The following NEAT1 variants were observed in gnomAD, a reference collection of about 807,000 sequenced individuals.
NEAT1 encodes the protein MENepsilon/beta.
At chr11:65,425,912 A>T (rs1856556560) in exon 1 of NEAT1, 1 of 152,218 alleles carries the variant, frequency 6.6e-6, no homozygotes, top group African/African-American at 2.4e-5. Flanking sequence ...TGCTAAGGTT[A>T]GAATGAATAA....
exon 1 of NEAT1, chr11:65,440,617 G>A (rs561043673): frequency 9.2e-5 from 14 of 151,986 alleles, no homozygotes; most frequent in African/African-American, 2.9e-4. Flanking sequence ...GGCCAAGGTG[G>A]GTGGATCACG....
At chr11:65,430,056 C>T (rs1856600639) in exon 1 of NEAT1, 1 of 152,282 alleles carries the variant, frequency 6.6e-6, no homozygotes, top group Non-Finnish European at 1.5e-5. Context: ...GGCACTGGAG[C>T]TGGTTCGAAT....
chr11:65,441,989 G>A (rs1364195296), exon 1 of NEAT1: 1 of 152,306 alleles, frequency 6.6e-6, no homozygotes, highest in South Asian at 2.1e-4. Flanking sequence ...GGGGCGTGCA[G>A]TGTCTGTAAG....
exon 1 of NEAT1, chr11:65,437,228 C>CACAT (rs1555046562): frequency 1.7e-4 from 22 of 129,284 alleles, no homozygotes; most frequent in African/African-American, 6.7e-4. Flanking sequence ...TATATATATA[C>CACAT]ATATATATAT....
At chr11:65,437,205 A>ATGTG (rs1430947771) in exon 1 of NEAT1, 3 of 140,630 alleles carry the variant, frequency 2.1e-5, no homozygotes, top group African/African-American at 8.5e-5. Flanking sequence ...GTATATATAT[A>ATGTG]TATATGTATA....
chr11:65,426,924 T>C (rs1856567417), exon 1 of NEAT1: 2 of 152,212 alleles, frequency 1.3e-5, no homozygotes, highest in Non-Finnish European at 2.9e-5. Context: ...ACACATAATA[T>C]GCATATTCCA....
chr11:65,437,230 T>C (rs1226221961), exon 1 of NEAT1: 5 of 143,870 alleles, frequency 3.5e-5, no homozygotes, highest in African/African-American at 1.3e-4. Flanking sequence ...TATATATACA[T>C]ATATATATAC....
exon 1 of NEAT1, chr11:65,444,550 G>GCC: frequency 4.1e-6 from 2 of 493,414 alleles, no homozygotes; most frequent in Admixed American, 4.4e-5. Flanking sequence ...GCCAGGACAG[G>GCC]ACTCTCAAAT....
chr11:65,423,583 G>C (rs1320089355), exon 1 of NEAT1: 1 of 152,388 alleles, frequency 6.6e-6, no homozygotes, highest in African/African-American at 2.4e-5. Context: ...GAGGCACGCT[G>C]CTCGGGTGTT....
chr11:65,432,795 T>C (rs149595055), exon 1 of NEAT1: 2 of 151,570 alleles, frequency 1.3e-5, no homozygotes, highest in African/African-American at 2.4e-5. Context: ...GTCACCTGAG[T>C]AGTGTACATT....
chr11:65,433,724 G>A (rs1365097315), exon 1 of NEAT1: 1 of 151,310 alleles, frequency 6.6e-6, no homozygotes, highest in Non-Finnish European at 1.5e-5. Context: ...TTATGTGTGT[G>A]TGTGTGTGTG....
chr11:65,443,258 T>A (rs1288725867), exon 1 of NEAT1: 1 of 152,254 alleles, frequency 6.6e-6, no homozygotes, highest in Non-Finnish European at 1.5e-5. Context: ...CCCATTGGTA[T>A]TCCCGACACT....
At chr11:65,425,478 C>G (rs1856551961) in exon 1 of NEAT1, 1 of 152,180 alleles carries the variant, frequency 6.6e-6, no homozygotes, top group Admixed American at 6.5e-5. Flanking sequence ...CGCAGCAGAT[C>G]AGCATCCTTC....
At chr11:65,425,090 C>A (rs1224671130) in exon 1 of NEAT1, 7 of 151,874 alleles carry the variant, frequency 4.6e-5, no homozygotes, top group Non-Finnish European at 8.8e-5. Flanking sequence ...GTGGGTGAGC[C>A]AAGAAAATAC....
exon 1 of NEAT1, chr11:65,430,164 T>A (rs1856601796): frequency 6.6e-6 from 1 of 152,310 alleles, no homozygotes; most frequent in Admixed American, 6.5e-5. Context: ...TGTAGATGTT[T>A]GGCAGCAGCT....
chr11:65,441,178 G>A lies in NEAT1; in HGVS notation n.18381G>A, dbSNP rs373540611. ...TATCGTGCAGGTACTTGTGAGCAAGGGGAGCTGCTGTTTCCTGTCCCTTTA... is the reference window on the plus strand; with the variant it reads ...TATCGTGCAGGTACTTGTGAGCAAGAGGAGCTGCTGTTTCCTGTCCCTTTA... On this transcript the variant is annotated non_coding_transcript_exon_variant, in exon 1 of 1. Coordinates refer to ENST00000501122, the Ensembl canonical transcript of NEAT1. 7.2e-5 allele frequency: 11 copies of A among 152,270 alleles called. No homozygotes were observed. The East Asian group carries it at 1.5e-3, about 21-fold the overall frequency. The allele number at this position is 152,270 out of a possible 1,614,324, so 9.4% of individuals were successfully genotyped here.
At chr11:65,426,697 A>G (rs190045645) in exon 1 of NEAT1, 1 of 152,340 alleles carries the variant, frequency 6.6e-6, no homozygotes, top group East Asian at 1.9e-4. Context: ...TATTATCCCA[A>G]GTGGTCTGCA....
At chr11:65,438,249 C>T (rs1425547143) in exon 1 of NEAT1, 1 of 152,134 alleles carries the variant, frequency 6.6e-6, no homozygotes, top group Non-Finnish European at 1.5e-5. Context: ...TACTGGTGGT[C>T]TGTAAGATGA....
exon 1 of NEAT1, chr11:65,444,414 A>T (rs770386791): frequency 2.1e-6 from 1 of 470,532 alleles, no homozygotes; most frequent in South Asian, 1.6e-5. Flanking sequence ...CTGGCCTGAC[A>T]TGTGTGTCCC....
Sources: gnomAD v4.1 joint callset for allele counts on GRCh38, gnomAD v4.1.1 for gene constraint, MANE v1.5 for transcripts, NCBI Gene and HGNC (gene_info 2026-07-23, HGNC 2026-07-21) for gene names.